TEX9: variants seen among roughly 807,000 people sequenced by gnomAD.
TEX9 encodes the protein testis-expressed protein 9.
In TEX9, 74 loss-of-function variants were observed where a neutral mutation model predicts 59.6. The observed-to-expected ratio is 1.24, with a 90% confidence interval of 1.03 to 1.51. The LOEUF (loss-of-function observed/expected upper bound fraction) is 1.51, where lower values mean the gene tolerates loss of function less well. TEX9 is among the 40% of genes most tolerant of loss of function. The pLI is 0.00. For missense variants in TEX9, 522 were observed against 447.8 expected (o/e 1.17, Z -1.49); for synonymous variants, 186 against 152.2 (o/e 1.22, Z -1.64).
chr15:56,342,274 T>C (rs546558891), intron 1 of TEX9, among the ~76,000 whole-genome samples: 2 of 152,266 alleles, frequency 1.3e-5, no homozygotes, highest in East Asian at 3.9e-4. Context: ...TAGGAAATGT[T>C]ATTATCCCTA....
intron 1 of TEX9, among the ~76,000 whole-genome samples, chr15:56,305,449 G>A (rs1171552581): frequency 6.6e-6 from 1 of 151,988 alleles, no homozygotes; most frequent in South Asian, 2.1e-4. Context: ...AAACAGAACA[G>A]AGAACCCAGA....
intron 1 of TEX9, among the ~76,000 whole-genome samples, chr15:56,292,514 A>G (rs2045118812): frequency 6.6e-6 from 1 of 152,090 alleles, no homozygotes; most frequent in Non-Finnish European, 1.5e-5. Flanking sequence ...AGGGCCTTAG[A>G]CCTTTTGGCA....
intron 2 of TEX9, 27 bp downstream of exon 2, chr15:56,365,697 C>T (rs920552876): frequency 6.2e-7 from 1 of 1,613,594 alleles, no homozygotes; most frequent in African/African-American, 1.3e-5. Flanking sequence ...TTGAACTTTT[C>T]CTTCTTTCTT....
At chr15:56,322,494 A>G (rs2045924792) in intron 1 of TEX9, among the ~76,000 whole-genome samples, 1 of 152,188 alleles carries the variant, frequency 6.6e-6, no homozygotes. Flanking sequence ...CTGCCCAACC[A>G]GAATCCTGTC....
rs537276595 is a variant in TEX9 at position 56,374,900 on chromosome 15, T to G, written c.183+1396T>G. On this transcript the variant is annotated intron_variant, in intron 3 of 12. Coordinates refer to ENST00000352903, the Ensembl canonical transcript of TEX9. ...GGCCTCATTATTTTTTATGGCTGAA[T>G]AGTACTCCATTGTGTATATGTATCA... Among the ~76,000 whole-genome samples the G allele has an allele frequency of 2.0e-5, 3 of 152,344 alleles. No homozygotes were observed. In the East Asian group the frequency reaches 5.8e-4, roughly 29 times the overall value.
intron 10 of TEX9, among the ~76,000 whole-genome samples, chr15:56,416,147 A>T (rs2049673574): frequency 6.6e-6 from 1 of 151,894 alleles, no homozygotes; most frequent in African/African-American, 2.4e-5. Context: ...GGGGTCTTCT[A>T]GATATAGAAT....
chr15:56,413,509 C>G (rs1404562618), intron 10 of TEX9, among the ~76,000 whole-genome samples: 1 of 151,100 alleles, frequency 6.6e-6, no homozygotes, highest in Non-Finnish European at 1.5e-5. Flanking sequence ...CTCTTTTCAT[C>G]TTGCAAAAAC....
chr15:56,329,813 A>G (rs1264286681), intron 1 of TEX9, among the ~76,000 whole-genome samples: 2 of 152,224 alleles, frequency 1.3e-5, no homozygotes, highest in African/African-American at 4.8e-5. Flanking sequence ...TAGCTTCAAA[A>G]GGGCAAATCT....
At chr15:56,409,555 C>T (rs1370439533) in intron 9 of TEX9, among the ~76,000 whole-genome samples, 1 of 152,142 alleles carries the variant, frequency 6.6e-6, no homozygotes, top group Non-Finnish European at 1.5e-5. Flanking sequence ...GGCTGGAGTA[C>T]AGTGGTGCAA....
intron 12 of TEX9, chr15:56,429,259 C>A (rs1402034474): frequency 7.0e-5 from 71 of 1,008,914 alleles, no homozygotes; most frequent in Non-Finnish European, 1.0e-4. Flanking sequence ...GCTTTTAAGA[C>A]TGACAGACAT....
At chr15:56,311,994 T>C (rs1374690581) in intron 1 of TEX9, among the ~76,000 whole-genome samples, 1 of 151,544 alleles carries the variant, frequency 6.6e-6, no homozygotes, top group African/African-American at 2.4e-5. Context: ...TGGGGTTGTT[T>C]GTTTTTTTCT....
chr15:56,382,486 A>G (rs1253482589), intron 3 of TEX9, among the ~76,000 whole-genome samples: 2 of 152,146 alleles, frequency 1.3e-5, no homozygotes, highest in East Asian at 1.9e-4. Context: ...TGAAGTCAGT[A>G]TGTCTCAGAG....
At chr15:56,364,792 A>G (rs1286257879), upstream of TEX9, among the ~76,000 whole-genome samples, 1 of 152,184 alleles carries the variant, frequency 6.6e-6, no homozygotes, top group African/African-American at 2.4e-5. Flanking sequence ...TTTTATTCCA[A>G]AACAATTGAA....
chr15:56,429,275 T>TA (rs372776697), intron 12 of TEX9: 1 of 842,248 alleles, frequency 1.2e-6, no homozygotes. Context: ...GACATAAGAT[T>TA]AGTAAAGTTA....
At chr15:56,422,436 T>C (rs1430572904) in intron 10 of TEX9, among the ~76,000 whole-genome samples, 1 of 151,672 alleles carries the variant, frequency 6.6e-6, no homozygotes, top group Non-Finnish European at 1.5e-5. Context: ...TTTTAAAGAT[T>C]CCATTTTATC....
At chr15:56,252,379 C>CTT (rs3050136) in intron 1 of TEX9, among the ~76,000 whole-genome samples, 2,124 of 119,626 alleles carry the variant, frequency 0.018, 103 homozygotes, top group African/African-American at 0.061. Flanking sequence ...TTAGAAAAAC[C>CTT]TTTTTTTTTT....
At chr15:56,256,471 C>A (rs988407351) in intron 1 of TEX9, among the ~76,000 whole-genome samples, 32 of 151,728 alleles carry the variant, frequency 2.1e-4, no homozygotes, top group African/African-American at 7.5e-4. Context: ...AGAAATAAAT[C>A]ATGTATAAAG....
chr15:56,355,697 T>C (rs1170401491), intron 1 of TEX9, among the ~76,000 whole-genome samples: 1 of 152,108 alleles, frequency 6.6e-6, no homozygotes, highest in Admixed American at 6.6e-5. Context: ...CAATATTGAG[T>C]CCACCAATCC....
rs376966687 is a variant in TEX9, at chr15:56,251,768, G to A, written c.-107+7490G>A. On this transcript the variant is annotated intron_variant, in intron 1 of 5. Coordinates refer to the TEX9 transcript ENST00000560827. Reference sequence around the variant, plus strand: ...GAAGCTGAGTAAATTTCCTCATGGAGCACCAGAGAAAGCAGGTGCAAATGA... The same window carrying A: ...GAAGCTGAGTAAATTTCCTCATGGAACACCAGAGAAAGCAGGTGCAAATGA... Among the ~76,000 whole-genome samples the A allele has an allele frequency of 6.6e-5, 10 of 152,232 alleles. No individual in the cohort carries two copies. In the South Asian group the frequency reaches 1.0e-3, roughly 16 times the overall value.
Sources: allele counts gnomAD v4.1 joint callset (sites outside exome capture counted in the v4.1 genomes callset), GRCh38; gene constraint gnomAD v4.1.1; transcripts MANE v1.5; gene names NCBI Gene and HGNC (gene_info 2026-07-23, HGNC 2026-07-21).